Variants in TIPIN observed in about 807,000 individuals in gnomAD.
TIPIN encodes TIMELESS-interacting protein.
Under a neutral mutation model 35.6 loss-of-function variants are expected in TIPIN, and 29 were observed. That is an observed-to-expected ratio of 0.82 (90% confidence interval 0.61 to 1.11). The LOEUF is 1.11. TIPIN is among the 50% of genes most tolerant of loss of function. The pLI, the probability that TIPIN is intolerant of heterozygous loss-of-function variation, is 0.00. For missense variants in TIPIN, 296 were observed against 345.4 expected, an observed-to-expected ratio of 0.86 and a Z score of 1.13; for synonymous variants, 102 against 121.5, an observed-to-expected ratio of 0.84 and a Z score of 1.06.
chr15:66,378,702 T>C (rs558343406), intron 1 of TIPIN, among the ~76,000 whole-genome samples: 4 of 152,078 alleles, frequency 2.6e-5, no homozygotes, highest in African/African-American at 9.6e-5. Context: ...CTAGCAGTAC[T>C]TGTATGATTT....
At chr15:66,348,984 G>T in intron 6 of TIPIN, 76 bp downstream of exon 6, 1 of 1,185,374 alleles carries the variant, frequency 8.4e-7, no homozygotes, top group Non-Finnish European at 1.2e-6. Flanking sequence ...GGATTACAGG[G>T]TTGAGCCACC....
chr15:66,342,547 A>G (rs2093096436), intron 6 of TIPIN, among the ~76,000 whole-genome samples: 1 of 151,972 alleles, frequency 6.6e-6, no homozygotes, highest in Non-Finnish European at 1.5e-5. Flanking sequence ...TATTTTTAGT[A>G]GAGACAGGGT....
chr15:66,341,887 T>C (rs1483017141), intron 6 of TIPIN, among the ~76,000 whole-genome samples: 1 of 151,948 alleles, frequency 6.6e-6, no homozygotes, highest in Non-Finnish European at 1.5e-5. Context: ...AAAAATACAA[T>C]TTAAAATATG....
Position 66,351,520 on chromosome 15 carries a change from C to G in TIPIN, c.288+5G>C. 2 of 1,609,356 alleles carry G rather than the reference C, an allele frequency of 1.2e-6. No individual in the cohort carries two copies. Among genetic ancestry groups the G allele is most frequent in the African/African-American group, 1.3e-5 (1 of 74,828 alleles). ...CAAAGGTCTAACATAAAAATCAGTTCTTACCTCATGACCTTTACCTTTGAA... is the reference window on the plus strand; with the variant it reads ...CAAAGGTCTAACATAAAAATCAGTTGTTACCTCATGACCTTTACCTTTGAA... On this transcript the variant is annotated splice_donor_5th_base_variant and intron_variant, in intron 4 of 7. Transcript: ENST00000261881.
upstream of TIPIN, among the ~76,000 whole-genome samples, chr15:66,360,319 A>G (rs74920345): frequency 0.015 from 2,312 of 152,230 alleles, 64 homozygotes; most frequent in African/African-American, 0.054. Flanking sequence ...AAATGTAAAG[A>G]TTTTGGCCGG....
chr15:66,369,068 T>C (rs2093268337), intron 1 of TIPIN, among the ~76,000 whole-genome samples: 1 of 152,114 alleles, frequency 6.6e-6, no homozygotes. Context: ...AGTCTCCCAC[T>C]CTTTAAATGC....
intron 1 of TIPIN, among the ~76,000 whole-genome samples, chr15:66,369,508 C>T (rs2093270135): frequency 1.3e-5 from 2 of 151,868 alleles, no homozygotes; most frequent in South Asian, 4.2e-4. Flanking sequence ...GCCACCATGC[C>T]CGGCTAATTT....
chr15:66,366,545 A>T (rs888095368), intron 1 of TIPIN, among the ~76,000 whole-genome samples: 5 of 147,556 alleles, frequency 3.4e-5, no homozygotes, highest in Non-Finnish European at 5.9e-5. Context: ...CGAGGTCAGG[A>T]GATCGAGATT....
At chr15:66,385,565 C>G (rs1266966483) in intron 1 of TIPIN, among the ~76,000 whole-genome samples, 2 of 151,904 alleles carry the variant, frequency 1.3e-5, no homozygotes, top group South Asian at 2.1e-4. Flanking sequence ...TCTTGGATCA[C>G]TGCAACCTCC....
At chr15:66,383,101 C>A in intron 1 of TIPIN, 4 of 548,122 alleles carry the variant, frequency 7.3e-6, no homozygotes, top group South Asian at 8.0e-5. Context: ...CATAATATTT[C>A]AATATTAAAA....
Position 66,379,509 on chromosome 15 carries a change from A to G in TIPIN, c.-9+7098T>C, listed in dbSNP as rs2093310077. 9 of 1,609,988 alleles carry G rather than the reference A, an allele frequency of 5.6e-6. No individual in the cohort carries two copies. In the East Asian group the frequency reaches 1.8e-4, roughly 32 times the overall value. ...TAATTCATCTTTCTGGGCTTGAGAT[A>G]CTGAACAAGCAACACCTGGTCTCAT... On this transcript the variant is annotated intron_variant, in intron 1 of 7. Transcript: ENST00000562124.
rs948436297 is a variant in TIPIN at position 66,341,024 on chromosome 15, T to C, written c.682+126A>G. On this transcript the variant is annotated intron_variant, in intron 7 of 7. Coordinates refer to ENST00000261881, the MANE Select transcript of TIPIN (RefSeq NM_017858.3). ...ACACACACTGTCTCTAAAATATACA[T>C]AAACTTAATATCACACTTTTCCACT... 74 of 792,180 alleles carry C rather than the reference T, an allele frequency of 9.3e-5. 1 individual carries two copies. In the East Asian group the frequency reaches 1.8e-3, roughly 19 times the overall value. 49.1% of individuals were successfully genotyped at this position (792,180 alleles called of 1,614,324 possible).
At chr15:66,359,153 A>G (rs888168726), upstream of TIPIN, among the ~76,000 whole-genome samples, 8 of 110,638 alleles carry the variant, frequency 7.2e-5, no homozygotes, top group African/African-American at 2.7e-4. Context: ...CCCTGTCTCA[A>G]AACACACACA....
intron 1 of TIPIN, among the ~76,000 whole-genome samples, chr15:66,363,334 G>A (rs572030396): frequency 2.7e-5 from 4 of 150,466 alleles, no homozygotes; most frequent in Middle Eastern, 3.4e-3. Flanking sequence ...ATGGTGAAAC[G>A]CCGTCTCTAC....
rs368684476 is a variant in TIPIN at position 66,375,256 on chromosome 15, C to G, written c.-9+11351G>C. Among the ~76,000 whole-genome samples, 69 of 152,104 alleles carry G rather than the reference C, an allele frequency of 4.5e-4. 1 individual carries two copies. The East Asian group carries it at 7.0e-3, about 15-fold the overall frequency. Reference sequence around the variant, plus strand: ...ATTGTGCTTGTGAATAGCTACTACACTTTAGCCTGGGTAACACAGTAAGAC... The same window carrying G: ...ATTGTGCTTGTGAATAGCTACTACAGTTTAGCCTGGGTAACACAGTAAGAC... On this transcript the variant is annotated intron_variant, in intron 1 of 7. Coordinates refer to the TIPIN transcript ENST00000562124.
intron 1 of TIPIN, chr15:66,371,210 A>C: frequency 3.1e-6 from 3 of 982,422 alleles, no homozygotes; most frequent in Non-Finnish European, 3.6e-6. Flanking sequence ...AACTCTCAAA[A>C]AAAAAAAAAA....
chr15:66,348,550 T>C (rs1595793496), intron 6 of TIPIN, among the ~76,000 whole-genome samples: 1 of 143,850 alleles, frequency 7.0e-6, no homozygotes, highest in African/African-American at 2.6e-5. Context: ...TAACTGGGCA[T>C]GGTGGCGCAT....
At chr15:66,340,170 C>CT (rs1566970488) in intron 7 of TIPIN, among the ~76,000 whole-genome samples, 4,855 of 113,364 alleles carry the variant, frequency 0.043, 503 homozygotes, top group African/African-American at 0.17. Flanking sequence ...CTGCGCCTGG[C>CT]CTTTTTTTTT....
At chr15:66,375,498 GTT>G (rs2140495114) in intron 1 of TIPIN, among the ~76,000 whole-genome samples, 1 of 36,314 alleles carries the variant, frequency 2.8e-5, no homozygotes, top group African/African-American at 9.7e-5. Flanking sequence ...AATTGGAAAA[GTT>G]ATATATATAT....
Sources: gnomAD v4.1 joint callset for allele counts (sites outside exome capture counted in the v4.1 genomes callset) on GRCh38, gnomAD v4.1.1 for gene constraint, MANE v1.5 for transcripts, NCBI Gene and HGNC (gene_info 2026-07-23, HGNC 2026-07-21) for gene names.